The following TDRD7 variants were observed in gnomAD, a reference collection of about 807,000 sequenced individuals.
The protein encoded by TDRD7 is tudor domain containing 7.
TDRD7 carries 47 observed loss-of-function variants against 109.8 expected under a neutral mutation model. The observed-to-expected ratio is 0.43, with a 90% CI of 0.34 to 0.55. The LOEUF (loss-of-function observed/expected upper bound fraction) is 0.55, where lower values mean the gene tolerates loss of function less well. Among genes scored for constraint, TDRD7 ranks in the 20% least tolerant of loss-of-function variants. The pLI is 0.03. For missense variants in TDRD7, 1,164 were observed against 1,319.2 expected, an observed-to-expected ratio of 0.88 and a Z score of 1.82; for synonymous variants, 424 against 457.3, an observed-to-expected ratio of 0.93 and a Z score of 0.93.
intron 1 of TDRD7, among the ~76,000 whole-genome samples, chr9:97,422,644 G>A (rs1827918835): frequency 6.6e-6 from 1 of 152,218 alleles, no homozygotes; most frequent in African/African-American, 2.4e-5. Flanking sequence ...TTAGCTGTGA[G>A]TAATGATGTT....
At chr9:97,494,853 G>A (rs1050512877) in intron 16 of TDRD7, among the ~76,000 whole-genome samples, 2 of 151,862 alleles carry the variant, frequency 1.3e-5, no homozygotes, top group African/African-American at 4.8e-5. Flanking sequence ...TGGGACTATA[G>A]GCACAGGCCA....
At chr9:97,466,051 A>G (rs1033727680) in intron 8 of TDRD7, among the ~76,000 whole-genome samples, 3 of 152,162 alleles carry the variant, frequency 2.0e-5, no homozygotes, top group Non-Finnish European at 4.4e-5. Flanking sequence ...GCAGGGAAAT[A>G]TGTTTCTATT....
chr9:97,440,610 T>C (rs930519604), intron 5 of TDRD7, among the ~76,000 whole-genome samples: 1 of 152,164 alleles, frequency 6.6e-6, no homozygotes, highest in Admixed American at 6.5e-5. Flanking sequence ...TCCTGCCCTT[T>C]GATGGAAGAG....
intron 10 of TDRD7, among the ~76,000 whole-genome samples, chr9:97,473,247 A>T (rs1231268822): frequency 6.6e-6 from 1 of 152,216 alleles, no homozygotes; most frequent in Non-Finnish European, 1.5e-5. Flanking sequence ...GAGTATGGGA[A>T]TGTATGCACA....
intron 6 of TDRD7, among the ~76,000 whole-genome samples, chr9:97,451,128 C>T (rs766024925): frequency 3.9e-5 from 6 of 152,014 alleles, no homozygotes; most frequent in Non-Finnish European, 7.4e-5. Flanking sequence ...AAACCCAAAG[C>T]AGGAAGAGCT....
rs548658161 is a variant in TDRD7 at position 97,412,744 on chromosome 9, G to C, written c.-7+506G>C. On this transcript the variant is annotated intron_variant, in intron 1 of 16. Transcript: ENST00000355295. This position sits in a 1 kb window ranked among gnomAD's most constrained non-coding sequence, Gnocchi z 4.3. ...ATAATCTGGAGACGAGCCCCAGGCAGGCCGCTTAAGTAATGCAGGACACAC... is the reference window on the plus strand; with the variant it reads ...ATAATCTGGAGACGAGCCCCAGGCACGCCGCTTAAGTAATGCAGGACACAC... 1.3e-5 allele frequency among the ~76,000 whole-genome samples: 2 copies of C among 152,210 alleles called. No individual in the cohort carries two copies. Among genetic ancestry groups the C allele is most frequent in the Non-Finnish European group, 2.9e-5 (2 of 68,042 alleles).
chr9:97,453,104 G>A (rs906225630), intron 6 of TDRD7, among the ~76,000 whole-genome samples: 15 of 152,162 alleles, frequency 9.9e-5, no homozygotes, highest in Non-Finnish European at 1.5e-5. Context: ...GGACAGTGGG[G>A]GATGGGGCTT....
chr9:97,425,578 A>T (rs1827976460), intron 1 of TDRD7, among the ~76,000 whole-genome samples: 2 of 152,104 alleles, frequency 1.3e-5, no homozygotes, highest in African/African-American at 4.8e-5. Context: ...ATTTCTCAGA[A>T]TGTATCCCCA....
chr9:97,448,080 C>T (rs1215073983), intron 6 of TDRD7, among the ~76,000 whole-genome samples: 1 of 152,178 alleles, frequency 6.6e-6, no homozygotes. Flanking sequence ...GGTTTGTCAA[C>T]AGTCAAGGAT....
chr9:97,430,869 C>G, intron 2 of TDRD7, 64 bp from the exon 3 acceptor site: 1 of 1,605,548 alleles, frequency 6.2e-7, no homozygotes, highest in Non-Finnish European at 8.5e-7. Context: ...CTTTTAAGAA[C>G]TGGCCTCTAG....
rs1380542495 is a variant in TDRD7, at chr9:97,412,928, C to T, written c.-7+690C>T. 2.0e-5 allele frequency among the ~76,000 whole-genome samples: 3 copies of T among 152,134 alleles called. No individual in the cohort carries two copies. Among genetic ancestry groups the T allele is most frequent in the Non-Finnish European group, 4.4e-5 (3 of 68,022 alleles). ...AGCTTGCTAGGAGGGAGCTTGGAGC[C>T]GGCATATCTTTCTGCTCCCATTCAC... On this transcript the variant is annotated intron_variant, in intron 1 of 16. Coordinates refer to ENST00000355295, the MANE Select transcript of TDRD7 (RefSeq NM_014290.3). This position sits in a 1 kb window ranked among gnomAD's most constrained non-coding sequence, Gnocchi z 4.3.
chr9:97,495,381 G>T (rs923699222), intron 16 of TDRD7, among the ~76,000 whole-genome samples: 2 of 152,074 alleles, frequency 1.3e-5, no homozygotes, highest in African/African-American at 2.4e-5. Flanking sequence ...CTTTATGGGG[G>T]TTGTACAGTA....
At chr9:97,435,067 G>T (rs1828169965) in intron 4 of TDRD7, among the ~76,000 whole-genome samples, 2 of 152,160 alleles carry the variant, frequency 1.3e-5, no homozygotes, top group South Asian at 4.1e-4. Flanking sequence ...AGGAACCCTT[G>T]TAGCCATGGG....
chr9:97,428,685 T>C lies in TDRD7; in HGVS notation c.207+13T>C. The C allele has an allele frequency of 1.9e-6, 3 of 1,611,748 alleles. No homozygotes were observed. The highest frequency in any genetic ancestry group is 2.5e-6 in the Non-Finnish European group (3 of 1,179,180). ...TAGATCTGGAGAGGTAAGAAGGTAA[T>C]TGTGCGTGTCAGAAGAATCAAACCA... On this transcript the variant is annotated intron_variant, in intron 2 of 16. Coordinates refer to ENST00000355295, the MANE Select transcript of TDRD7 (RefSeq NM_014290.3).
chr9:97,422,979 G>T (rs537437733), intron 1 of TDRD7, among the ~76,000 whole-genome samples: 1 of 152,258 alleles, frequency 6.6e-6, no homozygotes, highest in African/African-American at 2.4e-5. Flanking sequence ...TGAGGGATAT[G>T]GTCTGTACTT....
rs116938083 is a variant in TDRD7 at position 97,492,312 on chromosome 9, C to T, written c.3077-3351C>T. Among the ~76,000 whole-genome samples, 1,293 of 152,276 alleles carry T rather than the reference C, an allele frequency of 8.5e-3. 5 individuals carry two copies. Among genetic ancestry groups the T allele is most frequent in the Middle Eastern group, 0.017 (5 of 294 alleles). The stretch of plus-strand genomic sequence containing the variant: ...ATGCTAGGAGGTTTAGGTACTGTTA[C>T]TATAACTGTTATACACATCAGGGAA... On this transcript the variant is annotated intron_variant, in intron 16 of 16. Coordinates refer to ENST00000355295, the MANE Select transcript of TDRD7 (RefSeq NM_014290.3).
intron 1 of TDRD7, among the ~76,000 whole-genome samples, chr9:97,420,393 G>A (rs1259497305): frequency 6.7e-6 from 1 of 150,118 alleles, no homozygotes. Context: ...AGGGTGTGGT[G>A]GTTAAAGATA....
At chr9:97,432,316 GAAACAC>G in intron 4 of TDRD7, 78 bp downstream of exon 4, 1 of 1,293,982 alleles carries the variant, frequency 7.7e-7, no homozygotes, top group Non-Finnish European at 1.1e-6. Context: ...GGTTAAGAAA[GAAACAC>G]TTTCTATTTT....
In TDRD7 at chr9:97,460,373, A is replaced by G; in HGVS notation, c.1051A>G (p.Lys351Glu). ...FKEKVADLLV[K>E]YTSGLWASAL... ...AGAAAAAGTGGCAGACCTGCTGGTG[A>G]AATACACAAGTGGCCTTTGGGCCAG... Residue 351 changes from lysine (K) to glutamate (E), a missense_variant, in exon 7 of 17, where the codon AAA becomes GAA. By Grantham distance (56) the Lys-to-Glu change is moderately conservative (BLOSUM62 1). Coordinates refer to ENST00000355295, the MANE Select transcript of TDRD7 (RefSeq NM_014290.3). 1 of 1,614,212 alleles carries G rather than the reference A, an allele frequency of 6.2e-7. No individual in the cohort carries two copies. Among genetic ancestry groups the G allele is most frequent in the South Asian group, 1.1e-5 (1 of 91,084 alleles).
Sources: allele counts gnomAD v4.1 joint callset (sites outside exome capture counted in the v4.1 genomes callset), GRCh38; gene constraint gnomAD v4.1.1; non-coding constraint Gnocchi (gnomAD v3.1); transcripts MANE v1.5; gene names NCBI Gene and HGNC (gene_info 2026-07-23, HGNC 2026-07-21).